H2BC4: variants seen among roughly 807,000 people sequenced by gnomAD.
H2BC4 encodes histone H2B type 1-C/E/F/G/I.
Under a neutral mutation model 6.2 loss-of-function variants are expected in H2BC4, and 10 were observed. That is an observed-to-expected ratio of 1.61 (90% CI 0.99 to 2.73). The LOEUF is 2.73. Ranked by LOEUF, H2BC4 falls within the 30% of genes most tolerant of loss-of-function variation. H2BC4 has a pLI of 0.00. For synonymous variants in H2BC4, 146 were observed against 70.7 expected, an observed-to-expected ratio of 2.07 and a Z score of -5.35; for missense variants, 176 against 168.7, an observed-to-expected ratio of 1.04 and a Z score of -0.24.
intron 1 of H2BC4, chr6:26,115,152 G>C (rs1475848752): frequency 1.3e-5 from 2 of 152,186 alleles, no homozygotes; most frequent in East Asian, 1.9e-4. Context: ...AAAAGAGAGA[G>C]AGTGATTGAT....
chr6:26,113,549 C>T (rs952186003), downstream of H2BC4, among the ~76,000 whole-genome samples: 4 of 152,162 alleles, frequency 2.6e-5, no homozygotes, highest in Non-Finnish European at 4.4e-5. Context: ...CAACTTCTCA[C>T]CTCACTTGTT....
downstream of H2BC4, chr6:26,114,733 A>T (rs1639091953): frequency 6.6e-6 from 1 of 151,960 alleles, no homozygotes; most frequent in Non-Finnish European, 1.5e-5. Context: ...TCCATAAATT[A>T]TACATCCATA....
chr6:26,123,493 G>C lies in H2BC4; in HGVS notation c.*31C>G. On this transcript the variant is annotated 3_prime_UTR_variant, in exon 1 of 1. Coordinates refer to ENST00000396984, the MANE Select transcript of H2BC4 (RefSeq NM_003526.3). Reference sequence around the variant, plus strand: ...GGGTGGCTCTTAAAAGAGCCTTTGGGGTTAGGTGTTAAGACGCTTACTTGG... The same window carrying C: ...GGGTGGCTCTTAAAAGAGCCTTTGGCGTTAGGTGTTAAGACGCTTACTTGG... 6.2e-7 allele frequency: 1 copy of C among 1,613,938 alleles called. No individual in the cohort carries two copies. Among genetic ancestry groups the C allele is most frequent in the Non-Finnish European group, 8.5e-7 (1 of 1,179,938 alleles).
chr6:26,123,349 C>T, downstream of H2BC4: 4 of 1,162,324 alleles, frequency 3.4e-6, no homozygotes, highest in Non-Finnish European at 4.7e-6. Context: ...GTTCAGGACC[C>T]TTTGTCCCTC....
chr6:26,122,319 G>A (rs74571768), downstream of H2BC4, among the ~76,000 whole-genome samples: 18,074 of 152,134 alleles, frequency 0.12, 1,393 homozygotes, highest in Non-Finnish European at 0.16. Flanking sequence ...GTAAAAATCT[G>A]CTTTAACACT....
downstream of H2BC4, among the ~76,000 whole-genome samples, chr6:26,122,114 C>A (rs1763506200): frequency 6.6e-6 from 1 of 151,260 alleles, no homozygotes; most frequent in Admixed American, 6.6e-5. Flanking sequence ...AATTTCATTT[C>A]TCATCAGAAT....
chr6:26,123,649 T>TA lies in H2BC4; in HGVS notation c.255_256insT (p.Lys86Ter). The stretch of plus-strand genomic sequence containing the variant: ...TCCCTGGAGGTGATGGTCGAGCGCT[T>TA]GTTGTAATGCGCCAGGCGGGAAGCC... On this transcript the variant is annotated frameshift_variant, in exon 1 of 1. Transcript: ENST00000396984. LOFTEE classifies it high-confidence loss of function. 1 of 1,614,256 alleles carries TA rather than the reference T, an allele frequency of 6.2e-7. No individual in the cohort carries two copies. Among genetic ancestry groups the TA allele is most frequent in the Non-Finnish European group, 8.5e-7 (1 of 1,180,046 alleles).
chr6:26,120,663 A>C (rs1252322213), downstream of H2BC4, among the ~76,000 whole-genome samples: 2 of 152,204 alleles, frequency 1.3e-5, no homozygotes, highest in Non-Finnish European at 2.9e-5. Context: ...AGTTTAGAAG[A>C]AAATTCTAGT....
chr6:26,114,482 T>G (rs991552196), downstream of H2BC4, among the ~76,000 whole-genome samples: 1 of 152,144 alleles, frequency 6.6e-6, no homozygotes, highest in Non-Finnish European at 1.5e-5. Flanking sequence ...TTCCATATTA[T>G]TTTGGGATTA....
downstream of H2BC4, among the ~76,000 whole-genome samples, chr6:26,120,307 C>A (rs1763482050): frequency 6.6e-6 from 1 of 152,014 alleles, no homozygotes; most frequent in South Asian, 2.1e-4. Flanking sequence ...ACAAATTAGC[C>A]AGGCGTGGTG....
intron 1 of H2BC4, among the ~76,000 whole-genome samples, chr6:26,117,709 T>C (rs186833893): frequency 6.6e-6 from 1 of 152,356 alleles, no homozygotes. Flanking sequence ...TATTTACTTG[T>C]GCTCAAGGTA....
chr6:26,120,200 C>A (rs180967031), downstream of H2BC4, among the ~76,000 whole-genome samples: 1 of 152,092 alleles, frequency 6.6e-6, no homozygotes, highest in African/African-American at 2.4e-5. Context: ...CGGTGGCTCA[C>A]GCCTGTAATC....
At chr6:26,113,334 T>C (rs1285241616), downstream of H2BC4, among the ~76,000 whole-genome samples, 3 of 152,236 alleles carry the variant, frequency 2.0e-5, no homozygotes, top group East Asian at 5.8e-4. Context: ...TTCTACATAC[T>C]TTGCATTTTT....
Position 26,123,909 on chromosome 6 carries a change from A to G in H2BC4, c.-5T>C. 6.2e-7 allele frequency: 1 copy of G among 1,612,232 alleles called. No homozygotes were observed. The highest frequency in any genetic ancestry group is 8.5e-7 in the Non-Finnish European group (1 of 1,179,582). ...AGACTTGGCTGGCTCAGGCATCTTA[A>G]AACACCAGAAATGTGTCGAAAGTAA... On this transcript the variant is annotated 5_prime_UTR_variant, in exon 1 of 1. Transcript: ENST00000396984.
chr6:26,119,220 G>A (rs1159276791), downstream of H2BC4, among the ~76,000 whole-genome samples: 1 of 151,966 alleles, frequency 6.6e-6, no homozygotes, highest in African/African-American at 2.4e-5. Context: ...ACGCCCACAC[G>A]TATACAGTAC....
chr6:26,117,101 A>C (rs973794663), intron 1 of H2BC4, among the ~76,000 whole-genome samples: 4 of 152,146 alleles, frequency 2.6e-5, no homozygotes, highest in African/African-American at 9.7e-5. Flanking sequence ...CTAATTTCAT[A>C]TGTTCAGGGA....
intron 1 of H2BC4, chr6:26,115,215 T>C (rs1763404041): frequency 6.6e-6 from 1 of 152,220 alleles, no homozygotes; most frequent in Non-Finnish European, 1.5e-5. Flanking sequence ...CTGAGAACAA[T>C]GATAATGATG....
rs1763448509 is a variant in H2BC4, at chr6:26,118,162, G to T, written c.*10-3027C>A. On this transcript the variant is annotated intron_variant, in intron 1 of 1. Coordinates refer to the H2BC4 transcript ENST00000314332. ...TTTTTGTTTTTTTGACAATGGCTTT[G>T]TAACAACATTTAATAATCTGCATAT... is the stretch of plus-strand genomic sequence containing the variant. 2.0e-5 allele frequency among the ~76,000 whole-genome samples: 3 copies of T among 151,994 alleles called. No individual in the cohort carries two copies. In the South Asian group the frequency reaches 6.2e-4, roughly 32 times the overall value.
Position 26,123,791 on chromosome 6 carries a change from G to A in H2BC4, c.114C>T (p.Tyr38=), listed in dbSNP as rs373045867. Residue 38 remains tyrosine (Y), a synonymous_variant, in exon 1 of 1, where the codon TAC becomes TAT. Coordinates refer to ENST00000396984, the MANE Select transcript of H2BC4 (RefSeq NM_003526.3). The part of the protein sequence containing the change: ...KKRKRSRKES[Y]SVYVYKVLKQ... ...TCAGCACCTTGTACACGTACACAGA[G>A]TAACTCTCCTTGCGGCTGCGCTTGC... 1.1e-5 allele frequency: 17 copies of A among 1,614,160 alleles called. No homozygotes were observed. The Admixed American group carries it at 1.3e-4, about 13-fold the overall frequency.
Sources: gnomAD v4.1 joint callset for allele counts (sites outside exome capture counted in the v4.1 genomes callset) on GRCh38, gnomAD v4.1.1 for gene constraint, MANE v1.5 for transcripts, NCBI Gene and HGNC (gene_info 2026-07-23, HGNC 2026-07-21) for gene names.